The following CHD2 variants were observed in gnomAD, a reference collection of about 807,000 sequenced individuals.
CHD2 encodes the protein chromodomain helicase DNA binding protein 2.
Under a neutral mutation model 243.9 loss-of-function variants are expected in CHD2, and 28 were observed. The observed-to-expected ratio is 0.11, with a 90% confidence interval of 0.09 to 0.16. The LOEUF is 0.16. CHD2 is among the 10% of genes least tolerant of loss of function. CHD2 has a pLI of 1.00. For missense variants in CHD2, 1,386 were observed against 2,209.8 expected (o/e 0.63, Z 7.47); for synonymous variants, 775 against 779.0 (o/e 0.99, Z 0.09).
intron 16 of CHD2, among the ~76,000 whole-genome samples, chr15:92,967,013 G>A (rs10152428): frequency 9.9e-5 from 15 of 151,984 alleles, no homozygotes; most frequent in African/African-American, 3.6e-4. Context: ...TATATCTGAC[G>A]TTCCATCTTA....
At chr15:92,980,698 A>G in intron 22 of CHD2, 117 bp from the exon 23 acceptor site, 1 of 678,892 alleles carries the variant, frequency 1.5e-6, no homozygotes, top group South Asian at 2.0e-5. Context: ...ATTTTTCTTG[A>G]GGCAGAGTTT....
chr15:93,025,433 C>G lies in CHD2; in HGVS notation c.*728C>G, dbSNP rs998897173. ...CAGAGCTTTGGTCTCCTGAGTGGGCCTCCTTTTCCCACTGTGCCAGGGAAG... is the reference window on the plus strand; with the variant it reads ...CAGAGCTTTGGTCTCCTGAGTGGGCGTCCTTTTCCCACTGTGCCAGGGAAG... On this transcript the variant is annotated 3_prime_UTR_variant, in exon 39 of 39. Coordinates refer to ENST00000394196, the MANE Select transcript of CHD2 (RefSeq NM_001271.4). 1 of 152,698 alleles carries G rather than the reference C, an allele frequency of 6.5e-6. No individual in the cohort carries two copies. The highest frequency in any genetic ancestry group is 2.4e-5 in the African/African-American group (1 of 41,420). The allele number at this position is 152,698 out of a possible 1,614,324, so 9.5% of individuals were successfully genotyped here. A position where few individuals can be genotyped will look rare whatever the true frequency, so the allele number is the denominator to read the frequency against.
chr15:92,914,554 T>G lies in CHD2; in HGVS notation c.63-9767T>G, dbSNP rs566833158. 1.4e-4 allele frequency among the ~76,000 whole-genome samples: 21 copies of G among 152,338 alleles called. No individual in the cohort carries two copies. In the South Asian group the frequency reaches 3.7e-3, roughly 27 times the overall value. On this transcript the variant is annotated intron_variant, in intron 2 of 38. Transcript: ENST00000394196. ...TGCCTGCCTGGCTTCAGCTGTGAAT[T>G]TTAGAAATACACTGATTAAAGGTAA...
At chr15:92,981,529 T>A (rs2053980122) in intron 24 of CHD2, 72 bp downstream of exon 24, 4 of 1,216,636 alleles carry the variant, frequency 3.3e-6, no homozygotes, top group Non-Finnish European at 4.8e-6. Flanking sequence ...ATGAACGCTT[T>A]CTTTGTGCTA....
chr15:92,967,215 G>C lies in CHD2; in HGVS notation c.2001-110G>C, dbSNP rs553831260. ...TTTTCCCTTCTATTTAAGAGCTCTA[G>C]TGATTGATAATGTCTTTCCTTATGG... On this transcript the variant is annotated intron_variant, in intron 16 of 38. Coordinates refer to ENST00000394196, the MANE Select transcript of CHD2 (RefSeq NM_001271.4). 31 of 743,788 alleles carry C rather than the reference G, an allele frequency of 4.2e-5. No homozygotes were observed. In the South Asian group the frequency reaches 6.4e-4, roughly 15 times the overall value. The allele number at this position is 743,788 out of a possible 1,614,324, so 46.1% of individuals were successfully genotyped here.
intron 27 of CHD2, 122 bp from the exon 28 acceptor site, chr15:92,992,736 TA>T: frequency 8.1e-7 from 1 of 1,233,958 alleles, no homozygotes; most frequent in Non-Finnish European, 1.1e-6. Flanking sequence ...GAATGACCAC[TA>T]AAGGAACGCA....
intron 2 of CHD2, among the ~76,000 whole-genome samples, chr15:92,907,463 A>G (rs2052644251): frequency 6.6e-6 from 1 of 152,184 alleles, no homozygotes; most frequent in South Asian, 2.1e-4. Flanking sequence ...GATTGTAGAG[A>G]TAGTCTTGAT....
Position 93,024,535 on chromosome 15 carries a change from T to C in CHD2, c.5317T>C (p.Tyr1773His). ...TTTCCACACAGATAAACTGGGGGAA[T>C]ATAAACAGCCTCTACCCCCATTGCA... is the stretch of plus-strand genomic sequence containing the variant. Reference protein sequence around the residue: ...RSFHTDKLGEYKQPLPPLHPA... With the variant: ...RSFHTDKLGEHKQPLPPLHPA... The change falls in exon 39 of 39, where the codon TAT (tyrosine) becomes CAT (histidine). Residue 1773 changes from tyrosine (Y) to histidine (H), a missense_variant. This residue lies in a region of CHD2 where 347 missense variants were observed against 341.6 expected (regional missense o/e 1.02). Coordinates refer to ENST00000394196, the MANE Select transcript of CHD2 (RefSeq NM_001271.4). The C allele has an allele frequency of 6.2e-7, 1 of 1,614,146 alleles. No homozygotes were observed. The highest frequency in any genetic ancestry group is 8.5e-7 in the Non-Finnish European group (1 of 1,180,040).
At chr15:92,945,671 T>G in intron 10 of CHD2, 150 bp from the exon 11 acceptor site, 2 of 449,390 alleles carry the variant, frequency 4.5e-6, no homozygotes, top group Non-Finnish European at 3.9e-6. Flanking sequence ...GTGCTGGGAT[T>G]ACAGGCGTGA....
chr15:92,962,083 A>G (rs1033909357), intron 16 of CHD2, among the ~76,000 whole-genome samples: 1 of 151,386 alleles, frequency 6.6e-6, no homozygotes, highest in Non-Finnish European at 1.5e-5. Context: ...GGTTTCACCA[A>G]GTTGGCCAGG....
chr15:92,955,378 A>G, intron 14 of CHD2, 45 bp from the exon 15 acceptor site: 1 of 1,186,764 alleles, frequency 8.4e-7, no homozygotes, highest in South Asian at 1.5e-5. Context: ...TGATATAGAA[A>G]GGTAGAAGTA....
chr15:92,959,268 A>AG (rs974847376), intron 16 of CHD2, among the ~76,000 whole-genome samples: 2 of 152,144 alleles, frequency 1.3e-5, no homozygotes, highest in African/African-American at 4.8e-5. Context: ...TGAGTGCCTT[A>AG]GTTCATGTTT....
intron 2 of CHD2, among the ~76,000 whole-genome samples, chr15:92,922,901 A>G (rs977459601): frequency 3.3e-5 from 5 of 151,750 alleles, no homozygotes; most frequent in Non-Finnish European, 7.4e-5. Context: ...ATCACCCCTC[A>G]GTCTCTGTGG....
At chr15:92,995,572 A>C (rs2054177039) in intron 28 of CHD2, among the ~76,000 whole-genome samples, 2 of 152,156 alleles carry the variant, frequency 1.3e-5, no homozygotes, top group Non-Finnish European at 2.9e-5. Context: ...AATTCATATC[A>C]TTATGTAGAG....
chr15:92,912,570 G>A (rs965891827), intron 2 of CHD2, among the ~76,000 whole-genome samples: 1 of 152,190 alleles, frequency 6.6e-6, no homozygotes, highest in African/African-American at 2.4e-5. Context: ...GTCTCGCTTT[G>A]TTGCCTGAGC....
In CHD2 at chr15:93,024,933, G is replaced by A. The variant is rs767490072; in HGVS notation, c.*228G>A. ...TGGCACCCCATCCCATTCCAGCCTAGTTCTGGCCTCCCACTTTGACGGGCA... is the reference window on the plus strand; with the variant it reads ...TGGCACCCCATCCCATTCCAGCCTAATTCTGGCCTCCCACTTTGACGGGCA... On this transcript the variant is annotated 3_prime_UTR_variant, in exon 39 of 39. Transcript: ENST00000394196. The A allele has an allele frequency of 2.2e-5, 11 of 491,654 alleles. No individual in the cohort carries two copies. Among genetic ancestry groups the A allele is most frequent in the African/African-American group, 2.2e-4 (11 of 50,364 alleles). 30.5% of individuals were successfully genotyped at this position (491,654 alleles called of 1,614,324 possible). A position where few individuals can be genotyped will look rare whatever the true frequency, so the allele number is the denominator to read the frequency against.
chr15:93,013,916 G>A (rs1207122367), intron 36 of CHD2, among the ~76,000 whole-genome samples: 1 of 109,236 alleles, frequency 9.2e-6, no homozygotes, highest in African/African-American at 3.6e-5. Context: ...GCGACAGAGT[G>A]AGACTCTGTC....
intron 14 of CHD2, chr15:92,954,265 G>T (rs1366217535): frequency 2.0e-5 from 3 of 152,256 alleles, no homozygotes; most frequent in Non-Finnish European, 4.4e-5. Context: ...TACTGATGAA[G>T]AATTGACTCA....
chr15:92,955,491 T>G lies in CHD2; in HGVS notation c.1788T>G (p.Tyr596Ter). The G allele has an allele frequency of 1.6e-5, 26 of 1,592,584 alleles. No homozygotes were observed. The highest frequency in any genetic ancestry group is 2.1e-5 in the Non-Finnish European group (25 of 1,171,384). ...AGTTCAACGCACTTATAACAACATA[T>G]GAGATCCTCTTGAAAGATAAGGTGT... Reference protein sequence around the residue: ...RLKFNALITTYEILLKDKTVL... With the variant: ...RLKFNALITT Residue 596 changes from tyrosine to a stop codon, truncating the protein, a stop_gained, in exon 15 of 39, where the codon TAT becomes TAG. Coordinates refer to ENST00000394196, the MANE Select transcript of CHD2 (RefSeq NM_001271.4). LOFTEE classifies it high-confidence loss of function.
Sources: allele counts gnomAD v4.1 joint callset (sites outside exome capture counted in the v4.1 genomes callset), GRCh38; gene constraint gnomAD v4.1.1; regional missense constraint gnomAD v4.1.1; transcripts MANE v1.5; gene names NCBI Gene and HGNC (gene_info 2026-07-23, HGNC 2026-07-21).